PSMB8: variants seen among roughly 807,000 people sequenced by gnomAD.
PSMB8 encodes the protein proteasome 20S subunit beta 8.
PSMB8 carries 20 observed loss-of-function variants against 32.3 expected under a neutral mutation model. The observed-to-expected ratio is 0.62, with a 90% CI of 0.44 to 0.90. PSMB8 has a LOEUF of 0.90. Ranked by LOEUF, PSMB8 falls within the 40% of genes least tolerant of loss-of-function variation. The pLI is 0.00. For missense variants in PSMB8, 342 were observed against 365.4 expected (o/e 0.94, Z 0.52); for synonymous variants, 131 against 135.4 (o/e 0.97, Z 0.23).
chr6:32,844,593 C>G (rs1770210663), upstream of PSMB8: 2 of 685,558 alleles, frequency 2.9e-6, no homozygotes, highest in South Asian at 3.7e-5. Context: ...TCAACGGTCT[C>G]CTAACCTGTA....
chr6:32,844,339 A>G, upstream of PSMB8: 1 of 1,614,042 alleles, frequency 6.2e-7, no homozygotes, highest in Non-Finnish European at 8.5e-7. Flanking sequence ...CTAAAGGCGC[A>G]GCTTCAACCA....
At chr6:32,842,482 G>A (rs1299328244) in intron 3 of PSMB8, among the ~76,000 whole-genome samples, 190 bp downstream of exon 3, 1 of 152,228 alleles carries the variant, frequency 6.6e-6, no homozygotes, top group East Asian at 1.9e-4. Flanking sequence ...AATACCTGAC[G>A]TACTATCTGG....
intron 1 of PSMB8, among the ~76,000 whole-genome samples, chr6:32,843,616 T>C (rs1022771820): frequency 1.2e-4 from 18 of 152,312 alleles, no homozygotes; most frequent in African/African-American, 3.8e-4. Flanking sequence ...AAAGTTCTCT[T>C]GTCTTCCTTT....
chr6:32,843,475 G>A (rs1770068602), intron 1 of PSMB8, among the ~76,000 whole-genome samples: 1 of 152,104 alleles, frequency 6.6e-6, no homozygotes, highest in Admixed American at 6.5e-5. Flanking sequence ...GTTCTAAGTC[G>A]CGCAACAGTG....
intron 3 of PSMB8, 134 bp from the exon 4 acceptor site, chr6:32,842,397 A>AT (rs761976531): frequency 7.8e-7 from 1 of 1,283,788 alleles, no homozygotes; most frequent in Non-Finnish European, 1.1e-6. Flanking sequence ...AAGATTTGGA[A>AT]TTTAAAGTAT....
At position 32,842,877 on chromosome 6, in the gene PSMB8, T is replaced by C. The variant is rs755365383; in HGVS notation, c.295+65A>G. ...TATCCACTTCCACTTTGTTGCAGAG[T>C]TGGCCTCCTGTGGAAAGGAGAGCCC... On this transcript the variant is annotated intron_variant, in intron 2 of 5. Coordinates refer to ENST00000374882, the MANE Select transcript of PSMB8 (RefSeq NM_148919.4). 69 of 1,612,280 alleles carry C rather than the reference T, an allele frequency of 4.3e-5. 3 individuals carry two copies. In the South Asian group the frequency reaches 7.4e-4, roughly 17 times the overall value.
chr6:32,843,148 G>C, intron 1 of PSMB8, 59 bp from the exon 2 acceptor site: 1 of 1,593,786 alleles, frequency 6.3e-7, no homozygotes, highest in Non-Finnish European at 8.6e-7. Context: ...AGAGGCTCCA[G>C]GAAAAGGTTT....
At chr6:32,844,662 C>G, upstream of PSMB8, 2 of 542,060 alleles carry the variant, frequency 3.7e-6, no homozygotes, top group Non-Finnish European at 6.6e-6. Context: ...CCCTGCTTGG[C>G]TGAGCACTGC....
chr6:32,843,766 G>A (rs1770096877), intron 1 of PSMB8, 84 bp downstream of exon 1: 2 of 1,558,432 alleles, frequency 1.3e-6, no homozygotes, highest in Non-Finnish European at 1.8e-6. Flanking sequence ...CCGCGCTCCC[G>A]CTCTCGCCTC....
At chr6:32,843,173 G>T in intron 1 of PSMB8, 84 bp from the exon 2 acceptor site, 1 of 1,461,298 alleles carries the variant, frequency 6.8e-7, no homozygotes, top group Admixed American at 1.7e-5. Flanking sequence ...GAGTATGAGG[G>T]TGAGGAGATA....
At chr6:32,841,977 C>T in intron 4 of PSMB8, 157 bp downstream of exon 4, 1 of 1,174,002 alleles carries the variant, frequency 8.5e-7, no homozygotes, top group South Asian at 1.3e-5. Flanking sequence ...ATATCTGGGC[C>T]AATAAATAGT....
Position 32,840,785 on chromosome 6 carries a change from T to A in PSMB8, c.*174A>T. The A allele has an allele frequency of 1.6e-6, 1 of 634,100 alleles. No individual in the cohort carries two copies. Among genetic ancestry groups the A allele is most frequent in the South Asian group, 1.9e-5 (1 of 53,786 alleles). The allele number at this position is 634,100 out of a possible 1,614,324, so 39.3% of individuals were successfully genotyped here. On this transcript the variant is annotated 3_prime_UTR_variant, in exon 6 of 6. Coordinates refer to ENST00000374882, the MANE Select transcript of PSMB8 (RefSeq NM_148919.4). The stretch of plus-strand genomic sequence containing the variant: ...GAAACTTCCCTGGGGGAAATGCTTG[T>A]TCAAATAGAGAACACGCAGAAGATG...
Position 32,842,923 on chromosome 6 carries a change from C to G in PSMB8, c.295+19G>C. On this transcript the variant is annotated intron_variant, in intron 2 of 5. Transcript: ENST00000374882. ...AGCCCAGCTCCCCAGATTCTGCCTGCTGGAGCGTATACACTCACTAATGTA... is the reference window on the plus strand; with the variant it reads ...AGCCCAGCTCCCCAGATTCTGCCTGGTGGAGCGTATACACTCACTAATGTA... 6.2e-7 allele frequency: 1 copy of G among 1,613,866 alleles called. No homozygotes were observed. The highest frequency in any genetic ancestry group is 8.5e-7 in the Non-Finnish European group (1 of 1,180,042).
rs972215554 is a variant in PSMB8 at position 32,842,587 on chromosome 6, A to G, written c.407+85T>C. On this transcript the variant is annotated intron_variant, in intron 3 of 5. Transcript: ENST00000374882. The stretch of plus-strand genomic sequence containing the variant: ...TACTATTAGCACTAAGATGGACCAC[A>G]TAGGACAAGAGTAAGGAGCAATGAT... 24 of 1,243,214 alleles carry G rather than the reference A, an allele frequency of 1.9e-5. 1 individual carries two copies. The highest frequency in any genetic ancestry group is 2.8e-5 in the Non-Finnish European group (24 of 844,478). 77.0% of individuals were successfully genotyped at this position (1,243,214 alleles called of 1,614,324 possible). A position where few individuals can be genotyped will look rare whatever the true frequency, so the allele number is the denominator to read the frequency against.
At position 32,842,371 on chromosome 6, in the gene PSMB8, A is replaced by C. The variant is rs1273286090; in HGVS notation, c.408-108T>G. The C allele has an allele frequency of 2.1e-6, 3 of 1,410,904 alleles. No homozygotes were observed. The East Asian group carries it at 6.9e-5, about 33-fold the overall frequency. The allele number at this position is 1,410,904 out of a possible 1,614,324, so 87.4% of individuals were successfully genotyped here. Reference sequence around the variant, plus strand: ...CATTGGAAAGGAATTATTTTGTAGGATCTAAAGATCAGAGAAAGATTTGGA... The same window carrying C: ...CATTGGAAAGGAATTATTTTGTAGGCTCTAAAGATCAGAGAAAGATTTGGA... On this transcript the variant is annotated intron_variant, in intron 3 of 5. Coordinates refer to ENST00000374882, the MANE Select transcript of PSMB8 (RefSeq NM_148919.4).
upstream of PSMB8, chr6:32,844,622 C>G (rs1770216246): frequency 1.7e-6 from 1 of 596,180 alleles, no homozygotes; most frequent in East Asian, 2.9e-5. Flanking sequence ...CAAGAGCGTG[C>G]CCTTTCTGCC....
upstream of PSMB8, chr6:32,844,494 T>G: frequency 6.5e-7 from 1 of 1,538,552 alleles, no homozygotes; most frequent in Non-Finnish European, 8.9e-7. Flanking sequence ...CAACAGAATA[T>G]ACCCGCCGCG....
In PSMB8 at chr6:32,841,427, G is replaced by A. The variant is rs1428598906; in HGVS notation, c.742+104C>T. On this transcript the variant is annotated intron_variant, in intron 5 of 5. Coordinates refer to ENST00000374882, the MANE Select transcript of PSMB8 (RefSeq NM_148919.4). ...TAATTTTTGTAGTTTTAGTAGAGAC[G>A]GGGTTTCGCCATGTTGGCCAGGCTG... The A allele has an allele frequency of 7.5e-6, 9 of 1,197,286 alleles. No homozygotes were observed. The South Asian group carries it at 8.5e-5, about 11-fold the overall frequency. 74.2% of individuals were successfully genotyped at this position (1,197,286 alleles called of 1,614,324 possible).
intron 2 of PSMB8, 78 bp downstream of exon 2, chr6:32,842,864 C>G: frequency 6.2e-7 from 1 of 1,611,422 alleles, no homozygotes; most frequent in Non-Finnish European, 8.5e-7. Context: ...TCCACTTCCA[C>G]TTTGTTGCAG....
Sources: gnomAD v4.1 joint callset for allele counts (sites outside exome capture counted in the v4.1 genomes callset) on GRCh38, gnomAD v4.1.1 for gene constraint, MANE v1.5 for transcripts, NCBI Gene and HGNC (gene_info 2026-07-23, HGNC 2026-07-21) for gene names.